GRAMD1C: variants seen among roughly 807,000 people sequenced by gnomAD.
GRAMD1C encodes protein Aster-C.
Under a neutral mutation model 97.8 loss-of-function variants are expected in GRAMD1C, and 89 were observed. The observed-to-expected ratio is 0.91, with a 90% CI of 0.77 to 1.09. The LOEUF (loss-of-function observed/expected upper bound fraction) is 1.09. Ranked by LOEUF, GRAMD1C falls within the 50% of genes least tolerant of loss-of-function variation. The pLI, the probability that GRAMD1C is intolerant of heterozygous loss-of-function variation, is 0.00. For missense variants in GRAMD1C, 740 were observed against 766.4 expected (o/e 0.97, Z 0.41); for synonymous variants, 256 against 267.0 (o/e 0.96, Z 0.40).
chr3:113,906,205 C>T (rs1254718813), intron 8 of GRAMD1C, among the ~76,000 whole-genome samples: 2 of 152,138 alleles, frequency 1.3e-5, no homozygotes, highest in African/African-American at 4.8e-5. Flanking sequence ...TTAGAGTACA[C>T]TCTTTCTACT....
At chr3:113,908,208 T>C (rs1021984557) in intron 8 of GRAMD1C, among the ~76,000 whole-genome samples, 2 of 152,232 alleles carry the variant, frequency 1.3e-5, no homozygotes, top group African/African-American at 2.4e-5. Context: ...ATAGTTTATA[T>C]AGACTTTTTG....
chr3:113,944,014 T>C lies in GRAMD1C; in HGVS notation c.1909-1384T>C, dbSNP rs537000857. On this transcript the variant is annotated intron_variant, in intron 17 of 17. Transcript: ENST00000358160. ...CTGTGTTAGATTCTCTTTCCTTCTC[T>C]ATTACTCTCCCTTTAGGTGATCTTA... Among the ~76,000 whole-genome samples, 15 of 152,368 alleles carry C rather than the reference T, an allele frequency of 9.8e-5. No individual in the cohort carries two copies. In the South Asian group the frequency reaches 3.1e-3, roughly 32 times the overall value.
rs141810356 is a variant in GRAMD1C at position 113,921,111 on chromosome 3, C to T, written c.1090+5273C>T. The stretch of plus-strand genomic sequence containing the variant: ...CCAGTGTCTACTGTTCCCTTCTTTG[C>T]GGCCATGTGTACTCAATGTTTATCT... On this transcript the variant is annotated intron_variant, in intron 10 of 17. Coordinates refer to ENST00000358160, the MANE Select transcript of GRAMD1C (RefSeq NM_017577.5). 2.3e-3 allele frequency among the ~76,000 whole-genome samples: 352 copies of T among 152,204 alleles called. 3 individuals are homozygous for T. Among genetic ancestry groups the T allele is most frequent in the African/African-American group, 7.9e-3 (329 of 41,516 alleles).
chr3:113,853,086 A>G (rs1933978521), intron 2 of GRAMD1C, among the ~76,000 whole-genome samples: 1 of 152,202 alleles, frequency 6.6e-6, no homozygotes, highest in South Asian at 2.1e-4. Flanking sequence ...ATGATATTGT[A>G]AGGACAATAG....
intron 3 of GRAMD1C, among the ~76,000 whole-genome samples, chr3:113,870,385 A>T (rs902464911): frequency 6.6e-6 from 1 of 151,956 alleles, no homozygotes; most frequent in Non-Finnish European, 1.5e-5. Flanking sequence ...CGCTCAAAAA[A>T]AAAAAGAGAG....
chr3:113,934,812 T>C (rs866502886), intron 13 of GRAMD1C, among the ~76,000 whole-genome samples: 5 of 152,138 alleles, frequency 3.3e-5, no homozygotes, highest in Non-Finnish European at 7.4e-5. Context: ...GGTGCGATCT[T>C]GGCTCACTGC....
intron 12 of GRAMD1C, among the ~76,000 whole-genome samples, chr3:113,934,008 G>A (rs538537921): frequency 5.9e-4 from 90 of 152,326 alleles, no homozygotes; most frequent in African/African-American, 2.2e-3. Context: ...TGGCTCTGCT[G>A]CAGTGGGAAA....
chr3:113,873,291 ACACT>A (rs1934907603), intron 3 of GRAMD1C, among the ~76,000 whole-genome samples: 1 of 152,014 alleles, frequency 6.6e-6, no homozygotes, highest in South Asian at 2.1e-4. Context: ...ACAACAAAAA[ACACT>A]CAAAAAAGTC....
chr3:113,839,825 T>C (rs1709731744), intron 1 of GRAMD1C, among the ~76,000 whole-genome samples: 1 of 152,156 alleles, frequency 6.6e-6, no homozygotes. Flanking sequence ...GGAACAGATG[T>C]ACAGAGATTG....
In GRAMD1C at chr3:113,938,089, A is replaced by C; in HGVS notation, c.1637A>C (p.Lys546Thr). Reference protein sequence around the residue: ...GLGAKGDITGKKKEMENYNVT... With the variant: ...GLGAKGDITGTKKEMENYNVT... ...GCCTTTTTCTTGTGATCTACAGGAA[A>C]GAAAAAGGAAATGGAAAACTATAAC... The change falls in exon 15 of 18, where the codon AAG becomes ACG. Residue 546 changes from lysine (K) to threonine (T), a missense_variant. Lys to Thr is a moderately conservative substitution (Grantham distance 78). Transcript: ENST00000358160. 5.3e-6 allele frequency: 8 copies of C among 1,513,314 alleles called. No homozygotes were observed. Among genetic ancestry groups the C allele is most frequent in the Non-Finnish European group, 7.3e-6 (8 of 1,101,990 alleles). 93.7% of individuals were successfully genotyped at this position (1,513,314 alleles called of 1,614,324 possible).
intron 5 of GRAMD1C, among the ~76,000 whole-genome samples, chr3:113,877,880 C>T (rs757797756): frequency 6.6e-6 from 1 of 151,854 alleles, no homozygotes; most frequent in Non-Finnish European, 1.5e-5. Flanking sequence ...TGGGTTCAAG[C>T]GATTCCCCTG....
At chr3:113,870,052 T>C (rs1228824874) in intron 3 of GRAMD1C, among the ~76,000 whole-genome samples, 7 of 151,962 alleles carry the variant, frequency 4.6e-5, no homozygotes, top group African/African-American at 1.7e-4. Context: ...TAAAAAGAAA[T>C]TGATCTCATG....
chr3:113,829,315 G>A (rs111459774), intron 1 of GRAMD1C, among the ~76,000 whole-genome samples: 2,231 of 152,254 alleles, frequency 0.015, 52 homozygotes, highest in African/African-American at 0.049. Flanking sequence ...GGATGGGGTG[G>A]TGTGGGCCTG....
chr3:113,836,474 T>A (rs1709632742), upstream of GRAMD1C, among the ~76,000 whole-genome samples: 1 of 151,790 alleles, frequency 6.6e-6, no homozygotes, highest in Admixed American at 6.6e-5. Context: ...TGTATTCATC[T>A]TCGTGGAAGC....
chr3:113,840,594 A>G (rs1477377163), intron 1 of GRAMD1C, among the ~76,000 whole-genome samples: 1 of 152,122 alleles, frequency 6.6e-6, no homozygotes, highest in Non-Finnish European at 1.5e-5. Flanking sequence ...AAAAAAAAAA[A>G]AGAAAGAAAA....
rs549161955 is a variant in GRAMD1C at position 113,946,399 on chromosome 3, C to G, written c.*921C>G. 1 of 152,322 alleles carries G rather than the reference C, an allele frequency of 6.6e-6. No individual in the cohort carries two copies. Among genetic ancestry groups the G allele is most frequent in the African/African-American group, 2.4e-5 (1 of 41,438 alleles). The allele number at this position is 152,322 out of a possible 1,614,324, so 9.4% of individuals were successfully genotyped here. On this transcript the variant is annotated 3_prime_UTR_variant, in exon 18 of 18. Coordinates refer to ENST00000358160, the MANE Select transcript of GRAMD1C (RefSeq NM_017577.5). The stretch of plus-strand genomic sequence containing the variant: ...TTTGATTGGTAAGTTATAAGCCAGA[C>G]ATAGATTTTAGCTCTTTAATAAAAA...
rs2107370793 is a variant in GRAMD1C at position 113,933,583 on chromosome 3, T to C, written c.1282T>C (p.Tyr428His). 1 of 1,601,376 alleles carries C rather than the reference T, an allele frequency of 6.2e-7. No homozygotes were observed. Among genetic ancestry groups the C allele is most frequent in the Non-Finnish European group, 8.6e-7 (1 of 1,168,412 alleles). ...DSEVLTHDVP[Y>H]HDYFYTVNRY... ...AGAAGTACTGACACATGATGTCCCC[T>C]ACCATGATTACTTCTATACCGTGAA... Residue 428 changes from tyrosine to histidine, a missense_variant, in exon 12 of 18, where the codon TAC becomes CAC. Coordinates refer to ENST00000358160, the MANE Select transcript of GRAMD1C (RefSeq NM_017577.5).
At chr3:113,854,758 A>G (rs1470452048) in intron 2 of GRAMD1C, among the ~76,000 whole-genome samples, 1 of 152,202 alleles carries the variant, frequency 6.6e-6, no homozygotes, top group Non-Finnish European at 1.5e-5. Context: ...CTTTTTGGGG[A>G]AAAACATAAC....
chr3:113,901,175 AT>A, intron 7 of GRAMD1C, 29 bp downstream of exon 7: 1 of 1,074,438 alleles, frequency 9.3e-7, no homozygotes, highest in South Asian at 1.3e-5. Context: ...AAATGTCAAA[AT>A]TTATCAATTA....
Sources: allele counts gnomAD v4.1 joint callset (sites outside exome capture counted in the v4.1 genomes callset), GRCh38; gene constraint gnomAD v4.1.1; transcripts MANE v1.5; gene names NCBI Gene and HGNC (gene_info 2026-07-23, HGNC 2026-07-21).